The following TENM3 variants were observed in gnomAD, a reference collection of about 807,000 sequenced individuals.
The protein encoded by TENM3 is teneurin transmembrane protein 3.
A neutral mutation model predicts 255.1 loss-of-function variants in TENM3; 63 were observed. The observed-to-expected ratio is 0.25, with a 90% CI of 0.20 to 0.30. The LOEUF (loss-of-function observed/expected upper bound fraction) is 0.30, where lower values mean the gene tolerates loss of function less well. TENM3 is among the 10% of genes least tolerant of loss of function. TENM3 has a pLI of 1.00. For missense variants in TENM3, 2,929 were observed against 3,461.1 expected, an observed-to-expected ratio of 0.85 and a Z score of 3.86; for synonymous variants, 1,306 against 1,322.3, an observed-to-expected ratio of 0.99 and a Z score of 0.27.
chr4:181,877,949 G>T, the TENM3 span, among the ~76,000 whole-genome samples: 1 of 152,152 alleles, frequency 6.6e-6, no homozygotes, highest in Non-Finnish European at 1.5e-5. Context: ...TAGTGTAGGC[G>T]TATGGCGTTT....
the TENM3 span, among the ~76,000 whole-genome samples, chr4:182,094,988 A>G: frequency 6.6e-6 from 1 of 152,126 alleles, no homozygotes; most frequent in African/African-American, 2.4e-5. Context: ...ATAAATAAAT[A>G]CACAAAAGGG....
intron 3 of TENM3, among the ~76,000 whole-genome samples, chr4:182,543,051 A>C (rs1741045371): frequency 6.6e-6 from 1 of 152,232 alleles, no homozygotes; most frequent in Non-Finnish European, 1.5e-5. Flanking sequence ...ATAACAAAGG[A>C]GTTCCTAACG....
chr4:182,014,161 C>CAT, the TENM3 span, among the ~76,000 whole-genome samples: 2 of 145,232 alleles, frequency 1.4e-5, no homozygotes, highest in African/African-American at 2.5e-5. Context: ...TATATATATA[C>CAT]ATATATATAC....
Position 182,801,082 on chromosome 4 carries a change from T to TAA in TENM3, c.*733_*734dup, listed in dbSNP as rs1766923085. ...TTAGTCTCAGAGGAGTTAATTTATGTAAAGTGTTTAAAAATTTATACTTAA... is the reference window on the plus strand; with the variant it reads ...TTAGTCTCAGAGGAGTTAATTTATGTAAAAAGTGTTTAAAAATTTATACTTAA... On this transcript the variant is annotated 3_prime_UTR_variant, in exon 28 of 28. Transcript: ENST00000511685. 1 of 152,650 alleles carries TAA rather than the reference T, an allele frequency of 6.6e-6. No individual in the cohort carries two copies. The highest frequency in any genetic ancestry group is 1.5e-5 in the Non-Finnish European group (1 of 68,036). 9.5% of individuals were successfully genotyped at this position (152,650 alleles called of 1,614,324 possible).
At chr4:182,132,272 G>A in the TENM3 span, among the ~76,000 whole-genome samples, 1 of 152,008 alleles carries the variant, frequency 6.6e-6, no homozygotes, top group Non-Finnish European at 1.5e-5. Flanking sequence ...GAGGTCAGGA[G>A]TTCAAGACCA....
At chr4:181,606,116 T>A in the TENM3 span, among the ~76,000 whole-genome samples, 2 of 152,154 alleles carry the variant, frequency 1.3e-5, no homozygotes, top group African/African-American at 2.4e-5. Context: ...ACATCCTATA[T>A]ACACCTGCTT....
Position 182,327,224 on chromosome 4 carries a change from C to T in TENM3, c.232+2972C>T, listed in dbSNP as rs1425553787. Among the ~76,000 whole-genome samples the T allele has an allele frequency of 5.9e-5, 9 of 152,156 alleles. No individual in the cohort carries two copies. The East Asian group carries it at 7.7e-4, about 13-fold the overall frequency. On this transcript the variant is annotated intron_variant, in intron 2 of 27. Transcript: ENST00000511685. ...ATGTGCTTCCTGCCACAGCTCCTGA[C>T]ATCATATAGGTCATAAAAATGAAAG...
the TENM3 span, among the ~76,000 whole-genome samples, chr4:181,808,587 T>C: frequency 6.6e-6 from 1 of 152,164 alleles, no homozygotes; most frequent in South Asian, 2.1e-4. Flanking sequence ...ATGCTCGAAA[T>C]ACAGAAATTT....
intron 3 of TENM3, among the ~76,000 whole-genome samples, chr4:182,422,995 T>TC (rs757091585): frequency 1.7e-4 from 26 of 152,206 alleles, no homozygotes; most frequent in Non-Finnish European, 3.7e-4. Flanking sequence ...TGACACTGCC[T>TC]CAACAACTGG....
Position 182,324,248 on chromosome 4 carries a change from A to G in TENM3, c.228A>G (p.Arg76=). The G allele has an allele frequency of 1.2e-6, 2 of 1,609,906 alleles. No individual in the cohort carries two copies. The highest frequency in any genetic ancestry group is 2.2e-5 in the South Asian group (2 of 90,998). The change falls in exon 2 of 28, where the codon AGA becomes AGG. Residue 76 remains arginine, a synonymous_variant. Transcript: ENST00000511685. ...LVHREADEFT[R]QGQNFTLRQL... is the part of the protein sequence containing the mutation. ...ACAGAGAAGCAGACGAGTTCACTAG[A>G]CAAGGTGGGTAACTGTCCTAGTAAA... is the stretch of plus-strand genomic sequence containing the variant.
intron 14 of TENM3, 21 bp from the exon 15 acceptor site, chr4:182,730,177 TCA>T (rs749806548): frequency 5.0e-6 from 8 of 1,613,032 alleles, no homozygotes; most frequent in African/African-American, 1.3e-5. Context: ...ATGTTCATTC[TCA>T]TTCTTCTGCT....
At chr4:181,636,500 A>G in the TENM3 span, among the ~76,000 whole-genome samples, 3 of 152,202 alleles carry the variant, frequency 2.0e-5, no homozygotes, top group South Asian at 6.2e-4. Flanking sequence ...GCCAAATAAC[A>G]GACACCACAT....
At chr4:182,233,361 A>G (rs1467839144) in intron 1 of TENM3, among the ~76,000 whole-genome samples, 1 of 152,206 alleles carries the variant, frequency 6.6e-6, no homozygotes, top group Non-Finnish European at 1.5e-5. Flanking sequence ...CCCTGTGTGC[A>G]TTAGGGGTTA....
At chr4:182,645,849 A>G (rs1325500472) in intron 5 of TENM3, among the ~76,000 whole-genome samples, 2 of 152,336 alleles carry the variant, frequency 1.3e-5, no homozygotes, top group East Asian at 3.9e-4. Context: ...TTTCTGCCAT[A>G]TGCTTTCCAT....
At chr4:182,551,251 A>G (rs1007451146) in intron 3 of TENM3, among the ~76,000 whole-genome samples, 1 of 150,786 alleles carries the variant, frequency 6.6e-6, no homozygotes, top group Non-Finnish European at 1.5e-5. Flanking sequence ...CCTTATATGT[A>G]TAATTGTCCC....
At chr4:182,098,600 C>T in the TENM3 span, among the ~76,000 whole-genome samples, 1 of 152,138 alleles carries the variant, frequency 6.6e-6, no homozygotes, top group African/African-American at 2.4e-5. Context: ...CACATGTTCT[C>T]ACTCATATGT....
At chr4:182,086,605 G>A in the TENM3 span, among the ~76,000 whole-genome samples, 1 of 151,792 alleles carries the variant, frequency 6.6e-6, no homozygotes, top group Non-Finnish European at 1.5e-5. Flanking sequence ...TTTTTTTCTT[G>A]ATTTTTTGCT....
the TENM3 span, among the ~76,000 whole-genome samples, chr4:182,028,461 T>A: frequency 6.6e-6 from 1 of 152,152 alleles, no homozygotes; most frequent in Non-Finnish European, 1.5e-5. Flanking sequence ...TTCAATCTCA[T>A]TTATTATTTA....
chr4:182,443,437 ATTG>A (rs1388085900), intron 3 of TENM3, among the ~76,000 whole-genome samples: 1 of 152,110 alleles, frequency 6.6e-6, no homozygotes, highest in African/African-American at 2.4e-5. Flanking sequence ...GTCTTCTAAC[ATTG>A]TTGGACACCT....
Sources: allele counts gnomAD v4.1 joint callset (sites outside exome capture counted in the v4.1 genomes callset), GRCh38; gene constraint gnomAD v4.1.1; transcripts MANE v1.5; gene names NCBI Gene and HGNC (gene_info 2026-07-23, HGNC 2026-07-21).